LTBP2: variants seen among roughly 807,000 people sequenced by gnomAD.
LTBP2 encodes the protein latent transforming growth factor beta binding protein 2.
Under a neutral mutation model 210.6 loss-of-function variants are expected in LTBP2, and 103 were observed. The observed-to-expected ratio is 0.49, with a 90% CI of 0.42 to 0.58. The LOEUF (loss-of-function observed/expected upper bound fraction) is 0.58, where lower values mean the gene tolerates loss of function less well. Ranked by LOEUF, LTBP2 falls within the 20% of genes least tolerant of loss-of-function variation. LTBP2 has a pLI of 0.00. For missense variants in LTBP2, 2,313 were observed against 2,494.5 expected (o/e 0.93, Z 1.55); for synonymous variants, 1,007 against 1,015.0 (o/e 0.99, Z 0.15).
At chr14:74,597,012 T>C (rs2088375291) in intron 2 of LTBP2, among the ~76,000 whole-genome samples, 1 of 152,152 alleles carries the variant, frequency 6.6e-6, no homozygotes, top group Non-Finnish European at 1.5e-5. Flanking sequence ...AGATGATGTT[T>C]ACATCCATGA....
Position 74,568,072 on chromosome 14 carries a change from C to T in LTBP2, c.831-12379G>A, listed in dbSNP as rs577161401. 3.9e-5 allele frequency among the ~76,000 whole-genome samples: 6 copies of T among 152,272 alleles called. No individual in the cohort carries two copies. The South Asian group carries it at 1.2e-3, about 32-fold the overall frequency. On this transcript the variant is annotated intron_variant, in intron 3 of 35. Transcript: ENST00000261978. ...AGGGAGAGGCCGAGCATACCTGGTG[C>T]CTTCGCACAAATCACAAGAGGCCTC...
At chr14:74,599,232 A>C (rs1434536836) in intron 2 of LTBP2, among the ~76,000 whole-genome samples, 4 of 152,210 alleles carry the variant, frequency 2.6e-5, no homozygotes, top group Non-Finnish European at 5.9e-5. Flanking sequence ...CCAGAATCCA[A>C]AGTACATGCT....
chr14:74,552,994 AG>A lies in LTBP2; in HGVS notation c.1089del (p.Cys364ValfsTer42). The A allele has an allele frequency of 6.2e-7, 1 of 1,614,204 alleles. No homozygotes were observed. The highest frequency in any genetic ancestry group is 8.5e-7 in the Non-Finnish European group (1 of 1,180,020). ...CTGTTGGCACAGTGTCCACGGGCAC[AG>A]GTCTGCTTGCAGATGGTGGGAGTGA... ...IVFTPTICKQ[T>X]CARGHCANSC... On this transcript the variant is annotated frameshift_variant, in exon 5 of 36. Transcript: ENST00000261978. LOFTEE classifies it high-confidence loss of function.
chr14:74,502,480 G>A (rs987525194), intron 34 of LTBP2, 173 bp downstream of exon 34: 6 of 806,770 alleles, frequency 7.4e-6, no homozygotes, highest in East Asian at 2.7e-5. Flanking sequence ...TGTTAGGGTC[G>A]GACCTGGGCG....
intron 2 of LTBP2, among the ~76,000 whole-genome samples, chr14:74,593,134 C>A (rs2088305553): frequency 6.6e-6 from 1 of 152,206 alleles, no homozygotes; most frequent in Admixed American, 6.5e-5. Context: ...TGAGCCCCTT[C>A]TCCCTTCACT....
chr14:74,519,017 G>C (rs2087169469), intron 17 of LTBP2, among the ~76,000 whole-genome samples: 2 of 152,174 alleles, frequency 1.3e-5, no homozygotes, highest in Non-Finnish European at 2.9e-5. Flanking sequence ...ATGGAGACGT[G>C]AATAGAGAAA....
chr14:74,611,258 C>G (rs149585513), intron 1 of LTBP2, among the ~76,000 whole-genome samples, 193 bp downstream of exon 1: 1 of 152,258 alleles, frequency 6.6e-6, no homozygotes, highest in African/African-American at 2.4e-5. Context: ...GATGATCTAT[C>G]TGCCTTCAAC....
intron 2 of LTBP2, among the ~76,000 whole-genome samples, chr14:74,594,280 C>T (rs1044259833): frequency 6.6e-6 from 1 of 152,190 alleles, no homozygotes; most frequent in Non-Finnish European, 1.5e-5. Flanking sequence ...CACCTTTGCC[C>T]TCCATCTATG....
At chr14:74,594,677 G>C (rs2088332933) in intron 2 of LTBP2, among the ~76,000 whole-genome samples, 1 of 152,208 alleles carries the variant, frequency 6.6e-6, no homozygotes, top group South Asian at 2.1e-4. Flanking sequence ...TCTGCTTACT[G>C]GGGGGTCCAC....
Position 74,510,236 on chromosome 14 carries a change from G to A in LTBP2, c.3029-23C>T, listed in dbSNP as rs751832678. On this transcript the variant is annotated intron_variant, in intron 19 of 35. Coordinates refer to ENST00000261978, the MANE Select transcript of LTBP2 (RefSeq NM_000428.3). ...CATCTGTGGGAGAGAAGTCCAAGAC[G>A]GTGGGCTGGCCTCCTCCCCATCCTG... The A allele has an allele frequency of 1.5e-5, 24 of 1,611,986 alleles. 1 individual carries two copies. The South Asian group carries it at 1.6e-4, about 11-fold the overall frequency.
At chr14:74,581,503 T>C (rs2088136089) in intron 3 of LTBP2, among the ~76,000 whole-genome samples, 1 of 152,146 alleles carries the variant, frequency 6.6e-6, no homozygotes, top group Non-Finnish European at 1.5e-5. Context: ...GTCCACCTGC[T>C]GCTGCTGGCC....
At chr14:74,603,575 T>TG in intron 2 of LTBP2, 60 bp downstream of exon 2, 1 of 1,554,678 alleles carries the variant, frequency 6.4e-7, no homozygotes, top group Non-Finnish European at 8.9e-7. Context: ...GGGAGTAGGG[T>TG]GGGGAATGGC....
At chr14:74,545,284 C>T (rs2087563182) in intron 8 of LTBP2, among the ~76,000 whole-genome samples, 4 of 152,204 alleles carry the variant, frequency 2.6e-5, no homozygotes. Flanking sequence ...TTTCCTCATC[C>T]ATCAAATAGG....
At chr14:74,534,348 T>C (rs560419299) in intron 9 of LTBP2, among the ~76,000 whole-genome samples, 5 of 152,330 alleles carry the variant, frequency 3.3e-5, no homozygotes, top group African/African-American at 1.2e-4. Flanking sequence ...GCATCTCCCG[T>C]GTGTACACAG....
chr14:74,607,952 C>T (rs1287087468), intron 1 of LTBP2, among the ~76,000 whole-genome samples: 8 of 147,152 alleles, frequency 5.4e-5, no homozygotes, highest in African/African-American at 1.5e-4. Flanking sequence ...CTCGCTCTGT[C>T]GCCCAGGCCG....
At chr14:74,593,232 G>C (rs2088306665) in intron 2 of LTBP2, among the ~76,000 whole-genome samples, 1 of 152,162 alleles carries the variant, frequency 6.6e-6, no homozygotes, top group Admixed American at 6.5e-5. Context: ...GAATGGGCAG[G>C]CCTGGGAGAG....
intron 2 of LTBP2, among the ~76,000 whole-genome samples, chr14:74,600,190 T>A (rs1360775190): frequency 2.0e-5 from 3 of 152,118 alleles, no homozygotes; most frequent in Non-Finnish European, 4.4e-5. Context: ...TTAGGCTTAT[T>A]AGCAGCCAAA....
chr14:74,501,174 C>T, intron 35 of LTBP2, 145 bp from the exon 36 acceptor site: 1 of 1,099,858 alleles, frequency 9.1e-7, no homozygotes. Context: ...TTCCCAAAAC[C>T]AAGCAACTCA....
intron 17 of LTBP2, among the ~76,000 whole-genome samples, chr14:74,520,769 C>G (rs1465816294): frequency 6.6e-6 from 1 of 151,818 alleles, no homozygotes; most frequent in Admixed American, 6.6e-5. Context: ...CCACTGCACT[C>G]CAGCCTGGGT....
Sources: gnomAD v4.1 joint callset for allele counts (sites outside exome capture counted in the v4.1 genomes callset) on GRCh38, gnomAD v4.1.1 for gene constraint, MANE v1.5 for transcripts, NCBI Gene and HGNC (gene_info 2026-07-23, HGNC 2026-07-21) for gene names.